TPCN2: variants seen among roughly 807,000 people sequenced by gnomAD.
The protein encoded by TPCN2 is two pore channel protein 2.
TPCN2 carries 92 observed loss-of-function variants against 111.4 expected under a neutral mutation model. The observed-to-expected ratio is 0.83, with a 90% CI of 0.70 to 0.98. The LOEUF is 0.98. Among genes scored for constraint, TPCN2 ranks in the 50% least tolerant of loss-of-function variants. TPCN2 has a pLI of 0.00. For missense variants in TPCN2, 995 were observed against 980.1 expected, an observed-to-expected ratio of 1.02 and a Z score of -0.20; for synonymous variants, 405 against 414.5, an observed-to-expected ratio of 0.98 and a Z score of 0.28.
Position 69,086,736 on chromosome 11 carries a change from G to A in TPCN2, c.2085+132G>A, listed in dbSNP as rs1335618200. 4.8e-6 allele frequency: 4 copies of A among 826,926 alleles called. No homozygotes were observed. The East Asian group carries it at 1.0e-4, about 21-fold the overall frequency. 51.2% of individuals were successfully genotyped at this position (826,926 alleles called of 1,614,324 possible). On this transcript the variant is annotated intron_variant, in intron 23 of 24. Transcript: ENST00000294309. ...AGTCGTGCTGGGTTAGGCGGGTCCT[G>A]AGTGAGGCTGAGCCCCTCCCGTGGG...
At position 69,062,890 on chromosome 11, in the gene TPCN2, C is replaced by T. The variant is rs780510378; in HGVS notation, c.553C>T (p.Arg185Trp). 13 of 1,613,824 alleles carry T rather than the reference C, an allele frequency of 8.1e-6. No individual in the cohort carries two copies. The highest frequency in any genetic ancestry group is 1.7e-4 in the Middle Eastern group (1 of 6,058). Residue 185 changes from arginine to tryptophan, a missense_variant, in exon 6 of 25, where the codon CGG (arginine) becomes TGG (tryptophan). Coordinates refer to ENST00000294309, the MANE Select transcript of TPCN2 (RefSeq NM_139075.4). ...TTTCCTGGGTCTCTTCCAGCCCCTG[C>T]GGATCCGCCGGCTTCTCCGTCCCTT... ...SLSLVCHEPL[R>W]IRRLLRPFFL...
Position 69,073,011 on chromosome 11 carries a change from G to A in TPCN2, c.1230+10G>A. ...AAGTGTGGTTAAAGAGGTAACTGGG[G>A]CCACAGCCGCCCAGGGTGGATAGTG... On this transcript the variant is annotated intron_variant, in intron 13 of 24. Transcript: ENST00000294309. 1.2e-6 allele frequency: 2 copies of A among 1,608,808 alleles called. No homozygotes were observed. The highest frequency in any genetic ancestry group is 1.7e-6 in the Non-Finnish European group (2 of 1,175,620).
intron 5 of TPCN2, among the ~76,000 whole-genome samples, chr11:69,060,615 A>G (rs967550218): frequency 6.6e-6 from 1 of 152,108 alleles, no homozygotes; most frequent in Non-Finnish European, 1.5e-5. Context: ...AGTCACCTGG[A>G]TGTACCTTCC....
intron 5 of TPCN2, 33 bp from the exon 6 acceptor site, chr11:69,062,851 G>A (rs1360409065): frequency 6.3e-7 from 1 of 1,598,210 alleles, no homozygotes; most frequent in Non-Finnish European, 8.6e-7. Flanking sequence ...CTAAGCACTT[G>A]ACGTGGTCCT....
intron 13 of TPCN2, among the ~76,000 whole-genome samples, chr11:69,076,655 G>T (rs1311373601): frequency 1.1e-5 from 1 of 88,826 alleles, no homozygotes; most frequent in African/African-American, 4.9e-5. Context: ...CTCCTGCCGT[G>T]TCCCTCCACC....
chr11:69,081,633 C>G (rs571336914), intron 18 of TPCN2, 134 bp downstream of exon 18: 15 of 591,854 alleles, frequency 2.5e-5, no homozygotes, highest in Non-Finnish European at 2.7e-5. Context: ...GCTGCACCCT[C>G]AGCTCTCTGC....
At chr11:69,079,168 C>A in intron 16 of TPCN2, 148 bp downstream of exon 16, 1 of 1,082,326 alleles carries the variant, frequency 9.2e-7, no homozygotes, top group Non-Finnish European at 1.3e-6. Context: ...GCTGGCTTCC[C>A]TGCTGGCCGA....
chr11:69,080,153 G>A (rs889369861), intron 17 of TPCN2, among the ~76,000 whole-genome samples: 3 of 152,222 alleles, frequency 2.0e-5, no homozygotes, highest in African/African-American at 4.8e-5. Flanking sequence ...CCTCCCGGGC[G>A]GCAGTGGGCT....
At chr11:69,085,391 G>T (rs1856227886) in intron 20 of TPCN2, 105 bp downstream of exon 20, 2 of 1,167,254 alleles carry the variant, frequency 1.7e-6, no homozygotes, top group Admixed American at 1.7e-5. Context: ...GGATGGGAGG[G>T]TGTTCTCCCA....
intron 3 of TPCN2, 99 bp from the exon 4 acceptor site, chr11:69,055,076 C>A: frequency 7.6e-7 from 1 of 1,308,958 alleles, no homozygotes; most frequent in Non-Finnish European, 1.1e-6. Context: ...GCTCAGGCAG[C>A]GCCAACTCCC....
intron 18 of TPCN2, 146 bp from the exon 19 acceptor site, chr11:69,083,799 C>T: frequency 2.9e-6 from 2 of 694,046 alleles, no homozygotes; most frequent in Non-Finnish European, 5.2e-6. Context: ...GTGGGGGTGG[C>T]TGTGGGTCCA....
chr11:69,079,589 T>C, intron 16 of TPCN2: 1 of 497,862 alleles, frequency 2.0e-6, no homozygotes, highest in Non-Finnish European at 3.6e-6. Context: ...ACTCAGTATC[T>C]TCTCTGCCAC....
intron 8 of TPCN2, among the ~76,000 whole-genome samples, chr11:69,069,829 G>C (rs942365430): frequency 1.4e-5 from 2 of 138,336 alleles, no homozygotes; most frequent in Non-Finnish European, 3.1e-5. Flanking sequence ...TGCAGGGGGA[G>C]CAGGACTGAC....
At position 69,054,180 on chromosome 11, in the gene TPCN2, G is replaced by T. The variant is rs12285715; in HGVS notation, c.174+83G>T. 1.0e-5 allele frequency: 12 copies of T among 1,143,712 alleles called. No individual in the cohort carries two copies. The African/African-American group carries it at 1.2e-4, about 12-fold the overall frequency. 70.8% of individuals were successfully genotyped at this position (1,143,712 alleles called of 1,614,324 possible). ...TCGCCCCTCCAGGGGCGACTGACTGGGTCCAAGGCCTCCATTGCTGGACTG... is the reference window on the plus strand; with the variant it reads ...TCGCCCCTCCAGGGGCGACTGACTGTGTCCAAGGCCTCCATTGCTGGACTG... On this transcript the variant is annotated intron_variant, in intron 2 of 24. Transcript: ENST00000294309.
At chr11:69,067,772 T>A (rs542090181) in intron 8 of TPCN2, among the ~76,000 whole-genome samples, 167 bp downstream of exon 8, 1 of 152,320 alleles carries the variant, frequency 6.6e-6, no homozygotes, top group South Asian at 2.1e-4. Context: ...TTCCTATCTC[T>A]TCTTTTTTTG....
intron 1 of TPCN2, among the ~76,000 whole-genome samples, chr11:69,053,741 T>A (rs558662276): frequency 2.6e-4 from 40 of 152,284 alleles, no homozygotes; most frequent in South Asian, 1.9e-3. Context: ...ACCCCGACGC[T>A]GGTGCCAGGG....
chr11:69,059,262 T>A (rs925252176), intron 5 of TPCN2, among the ~76,000 whole-genome samples: 6 of 146,106 alleles, frequency 4.1e-5, no homozygotes, highest in African/African-American at 1.5e-4. Context: ...CCTGCTGTTC[T>A]CAGTGGCAGC....
chr11:69,079,031 C>T lies in TPCN2; in HGVS notation c.1539+11C>T, dbSNP rs758512104. 5.2e-5 allele frequency: 84 copies of T among 1,602,118 alleles called. No homozygotes were observed. The highest frequency in any genetic ancestry group is 8.0e-5 in the African/African-American group (6 of 74,754). ...ACCGTTGTCCTGCTGGTAAAGTAGG[C>T]GCATCCGAGGCCGGCCTCTACTGGG... On this transcript the variant is annotated intron_variant, in intron 16 of 24. Transcript: ENST00000294309.
rs1366484039 is a variant in TPCN2, at chr11:69,090,168, T to G, written c.*2215T>G. Reference sequence around the variant, plus strand: ...TTAGTGGACAGAGCTAGAGGATATGTGCACGTACTTCCATCTCTCTCTCTG... The same window carrying G: ...TTAGTGGACAGAGCTAGAGGATATGGGCACGTACTTCCATCTCTCTCTCTG... On this transcript the variant is annotated 3_prime_UTR_variant, in exon 25 of 25. Coordinates refer to ENST00000294309, the MANE Select transcript of TPCN2 (RefSeq NM_139075.4). The G allele has an allele frequency of 6.8e-6, 1 of 147,060 alleles. No homozygotes were observed. Among genetic ancestry groups the G allele is most frequent in the East Asian group, 2.0e-4 (1 of 5,062 alleles). The allele number at this position is 147,060 out of a possible 1,614,324, so 9.1% of individuals were successfully genotyped here. A position where few individuals can be genotyped will look rare whatever the true frequency, so the allele number is the denominator to read the frequency against.
Sources: allele counts gnomAD v4.1 joint callset (sites outside exome capture counted in the v4.1 genomes callset), GRCh38; gene constraint gnomAD v4.1.1; transcripts MANE v1.5; gene names NCBI Gene and HGNC (gene_info 2026-07-23, HGNC 2026-07-21).